Variants in PPP2R1B observed in about 807,000 individuals in gnomAD.
The protein encoded by PPP2R1B is serine/threonine-protein phosphatase 2A 65 kDa regulatory subunit A beta isoform.
In PPP2R1B, 58 loss-of-function variants were observed where a neutral mutation model predicts 72.7. The observed-to-expected ratio is 0.80, with a 90% confidence interval of 0.65 to 0.99. The LOEUF (loss-of-function observed/expected upper bound fraction) is 0.99, where lower values mean the gene tolerates loss of function less well. Among genes scored for constraint, PPP2R1B ranks in the 50% least tolerant of loss-of-function variants. The pLI, the probability that PPP2R1B is intolerant of heterozygous loss-of-function variation, is 0.00. For synonymous variants in PPP2R1B, 256 were observed against 264.6 expected, an observed-to-expected ratio of 0.97 and a Z score of 0.32; for missense variants, 695 against 733.6, an observed-to-expected ratio of 0.95 and a Z score of 0.61.
the PPP2R1B span, chr11:111,703,240 C>T: frequency 6.2e-7 from 1 of 1,614,114 alleles, no homozygotes; most frequent in Non-Finnish European, 8.5e-7. Flanking sequence ...TGGTCCTAGA[C>T]CCATCCAAAC....
At chr11:111,742,703 T>TA in intron 12 of PPP2R1B, 38 bp from the exon 13 acceptor site, 1 of 1,514,766 alleles carries the variant, frequency 6.6e-7, no homozygotes, top group Non-Finnish European at 8.8e-7. Flanking sequence ...TAAAATACTT[T>TA]AAAAAATTCC....
intron 10 of PPP2R1B, among the ~76,000 whole-genome samples, chr11:111,751,456 A>T (rs1243571246): frequency 2.0e-5 from 3 of 152,364 alleles, no homozygotes; most frequent in Non-Finnish European, 4.4e-5. Flanking sequence ...AAATCCAAAA[A>T]TCCAAAATGT....
intron 9 of PPP2R1B, among the ~76,000 whole-genome samples, chr11:111,752,771 C>T (rs534622051): frequency 5.5e-4 from 83 of 152,086 alleles, no homozygotes; most frequent in Non-Finnish European, 9.6e-4. Context: ...GTCAGGAGAT[C>T]GAGACCACAG....
chr11:111,720,077 C>A, the PPP2R1B span: 1 of 1,430,884 alleles, frequency 7.0e-7, no homozygotes, highest in South Asian at 1.2e-5. Context: ...CAAGTGGTCA[C>A]GATGCCAGCC....
chr11:111,702,533 C>A, the PPP2R1B span, among the ~76,000 whole-genome samples: 2 of 152,190 alleles, frequency 1.3e-5, no homozygotes, highest in African/African-American at 4.8e-5. Flanking sequence ...TGCATTACTG[C>A]ACTCCATCCT....
At chr11:111,749,570 C>G (rs185722635) in intron 10 of PPP2R1B, among the ~76,000 whole-genome samples, 77 of 152,288 alleles carry the variant, frequency 5.1e-4, no homozygotes, top group African/African-American at 1.8e-3. Context: ...CAAGCGTGAG[C>G]CACTACGCCT....
the PPP2R1B span, chr11:111,701,580 T>A: frequency 3.7e-6 from 6 of 1,613,352 alleles, no homozygotes; most frequent in Non-Finnish European, 5.1e-6. This position sits in a 1 kb window ranked among gnomAD's most constrained non-coding sequence, Gnocchi z 4.2. Flanking sequence ...CAGAAGGTAA[T>A]CAACTTTTCA....
At chr11:111,746,346 C>A (rs575720878) in intron 11 of PPP2R1B, among the ~76,000 whole-genome samples, 2 of 152,150 alleles carry the variant, frequency 1.3e-5, no homozygotes, top group African/African-American at 4.8e-5. Context: ...AAGCTAGAAG[C>A]CATCATTCTC....
downstream of PPP2R1B, chr11:111,725,797 AGTCCCTGTTGCTGGCCAGAGACTGCCTG>A (rs1410374983): frequency 1.3e-5 from 2 of 152,642 alleles, no homozygotes; most frequent in Non-Finnish European, 2.9e-5. Flanking sequence ...TAACTTGAGC[AGTCCCTGTTGCTGGCCAGAGACTGCCTG>A]GTCGCCAGCG....
chr11:111,753,342 T>C (rs961625889), intron 9 of PPP2R1B, 101 bp downstream of exon 9: 33 of 1,423,090 alleles, frequency 2.3e-5, no homozygotes, highest in Non-Finnish European at 3.1e-5. Flanking sequence ...GATTTTTTTA[T>C]CCATTTTCTT....
chr11:111,729,516 G>T (rs1426171448), intron 15 of PPP2R1B: 1 of 152,270 alleles, frequency 6.6e-6, no homozygotes, highest in Non-Finnish European at 1.5e-5. Flanking sequence ...ACTTCTCTGA[G>T]ATCACAGCTG....
At chr11:111,712,128 G>C in the PPP2R1B span, 1 of 1,355,246 alleles carries the variant, frequency 7.4e-7, no homozygotes, top group South Asian at 1.4e-5. Flanking sequence ...GCCACAGGAA[G>C]AATTATTTTA....
At chr11:111,723,514 C>T (rs56000295), downstream of PPP2R1B, 769 of 1,603,382 alleles carry the variant, frequency 4.8e-4, 1 homozygote, top group Non-Finnish European at 6.0e-4. Flanking sequence ...AGAAGCGACT[C>T]TTTCTTCAGA....
the PPP2R1B span, among the ~76,000 whole-genome samples, chr11:111,697,225 T>G: frequency 6.6e-6 from 1 of 152,196 alleles, no homozygotes; most frequent in African/African-American, 2.4e-5. Context: ...GGATACTTCA[T>G]AGAACTAAGA....
chr11:111,719,356 CTTT>C, the PPP2R1B span, among the ~76,000 whole-genome samples: 92,684 of 118,722 alleles, frequency 0.78, 36,869 homozygotes, highest in East Asian at 0.99. Flanking sequence ...GTGACTACCC[CTTT>C]TTTTTTTTTT....
chr11:111,753,142 TAAATA>T (rs1266965444), intron 9 of PPP2R1B, among the ~76,000 whole-genome samples: 1 of 152,210 alleles, frequency 6.6e-6, no homozygotes, highest in Non-Finnish European at 1.5e-5. Flanking sequence ...TATTTAAACT[TAAATA>T]AATGAAACTT....
intron 4 of PPP2R1B, among the ~76,000 whole-genome samples, 163 bp downstream of exon 4, chr11:111,760,656 A>C (rs1788956): frequency 0.087 from 13,266 of 152,156 alleles, 1,894 homozygotes; most frequent in African/African-American, 0.3. Context: ...CTCTTAAAAA[A>C]AAAAAAGAAA....
rs1944462078 is a variant in PPP2R1B, at chr11:111,739,895, A to G, written c.*1701T>C. ...CAAAGTCATAAAATAGAAACTTACT[A>G]TAAGGTAATTTGGCAGTTTAAAATG... On this transcript the variant is annotated 3_prime_UTR_variant, in exon 15 of 15. Transcript: ENST00000527614. 2.0e-6 allele frequency: 2 copies of G among 981,472 alleles called. No individual in the cohort carries two copies. The highest frequency in any genetic ancestry group is 9.4e-5 in the South Asian group (2 of 21,178). 60.8% of individuals were successfully genotyped at this position (981,472 alleles called of 1,614,324 possible). A position where few individuals can be genotyped will look rare whatever the true frequency, so the allele number is the denominator to read the frequency against.
At chr11:111,742,461 C>T (rs1944556636) in intron 13 of PPP2R1B, 62 bp downstream of exon 13, 1 of 1,531,026 alleles carries the variant, frequency 6.5e-7, no homozygotes, top group Non-Finnish European at 8.9e-7. Context: ...GCTAATTACT[C>T]CCCACTATAA....
Sources: allele counts gnomAD v4.1 joint callset (sites outside exome capture counted in the v4.1 genomes callset), GRCh38; gene constraint gnomAD v4.1.1; non-coding constraint Gnocchi (gnomAD v3.1); transcripts MANE v1.5; gene names NCBI Gene and HGNC (gene_info 2026-07-23, HGNC 2026-07-21).